The following ZDHHC14 variants were observed in gnomAD, a reference collection of about 807,000 sequenced individuals.
The protein encoded by ZDHHC14 is zDHHC palmitoyltransferase 14.
ZDHHC14 carries 16 observed loss-of-function variants against 47.7 expected under a neutral mutation model. The ratio of observed to expected loss-of-function variants is 0.34; its 90% CI spans 0.23 to 0.51. The LOEUF is 0.51. Among genes scored for constraint, ZDHHC14 ranks in the 20% least tolerant of loss-of-function variants. The pLI is 0.97. For missense variants in ZDHHC14, 515 were observed against 662.5 expected (o/e 0.78, Z 2.44); for synonymous variants, 293 against 278.9 (o/e 1.05, Z -0.50).
At chr6:157,523,149 A>G (rs752638923) in intron 1 of ZDHHC14, among the ~76,000 whole-genome samples, 7 of 151,696 alleles carry the variant, frequency 4.6e-5, no homozygotes, top group Non-Finnish European at 8.8e-5. Context: ...GGCATTAGTC[A>G]ATGTGAATCT....
In ZDHHC14 at chr6:157,632,827, C is replaced by A; in HGVS notation, c.704-7C>A. The A allele has an allele frequency of 6.2e-7, 1 of 1,614,096 alleles. No homozygotes were observed. ...CTGAATACTAAATGTTGGTTTCATT[C>A]CCACAGGTTCACAGCAAACAGGATT... On this transcript the variant is annotated splice_region_variant and splice_polypyrimidine_tract_variant and intron_variant, in intron 4 of 8. Transcript: ENST00000359775.
At chr6:157,648,609 A>G (rs1777672575) in intron 7 of ZDHHC14, among the ~76,000 whole-genome samples, 1 of 152,154 alleles carries the variant, frequency 6.6e-6, no homozygotes, top group Non-Finnish European at 1.5e-5. Flanking sequence ...AGGGGTCCTC[A>G]AGGCACCCCT....
chr6:157,435,981 G>A (rs1346207817), intron 1 of ZDHHC14, among the ~76,000 whole-genome samples: 1 of 152,204 alleles, frequency 6.6e-6, no homozygotes, highest in African/African-American at 2.4e-5. Flanking sequence ...CAGGCAGAGA[G>A]AGCAGCATGG....
intron 3 of ZDHHC14, among the ~76,000 whole-genome samples, chr6:157,608,048 C>T (rs1370357686): frequency 1.8e-4 from 28 of 152,326 alleles, no homozygotes. Flanking sequence ...CACTGCTTAT[C>T]ACTACTGATT....
intron 1 of ZDHHC14, among the ~76,000 whole-genome samples, chr6:157,405,132 T>G (rs1777715228): frequency 6.6e-6 from 1 of 152,202 alleles, no homozygotes; most frequent in African/African-American, 2.4e-5. Context: ...AGCTCAGGAA[T>G]ATTTTATGTT....
intron 1 of ZDHHC14, among the ~76,000 whole-genome samples, chr6:157,453,788 T>TTTTTTTGTGTGTGTGTGTGTG (rs3220439): frequency 5.4e-5 from 8 of 148,196 alleles, no homozygotes; most frequent in African/African-American, 1.8e-4. Context: ...TTTTTGTGTT[T>TTTTTTTGTGTGTGTGTGTGTG]TGTGTGTGTG....
intron 1 of ZDHHC14, among the ~76,000 whole-genome samples, chr6:157,530,312 G>A (rs918426335): frequency 9.9e-5 from 15 of 152,176 alleles, no homozygotes; most frequent in Non-Finnish European, 1.9e-4. Flanking sequence ...CCCAACATCA[G>A]GGCCGAGAAA....
chr6:157,568,166 A>G (rs1052699378), intron 2 of ZDHHC14, among the ~76,000 whole-genome samples: 1 of 152,210 alleles, frequency 6.6e-6, no homozygotes, highest in Admixed American at 6.5e-5. Flanking sequence ...AATTGTAGGG[A>G]ACCAATTTCT....
chr6:157,673,116 C>T lies in ZDHHC14; in HGVS notation c.1461C>T (p.Ser487=), dbSNP rs541368412. ...DSVRGLVKLS[S]V ...TGCGCGGCCTGGTGAAGCTCAGCTC[C>T]GTGTGACCCACATGGCCCCAGGCCG... Residue 487 remains serine (S), a synonymous_variant, in exon 9 of 9, where the codon TCC becomes TCT. Transcript: ENST00000359775. This position sits in a 1 kb window ranked among gnomAD's most constrained non-coding sequence, Gnocchi z 5.4. The T allele has an allele frequency of 4.8e-5, 75 of 1,571,666 alleles. No homozygotes were observed. Among genetic ancestry groups the T allele is most frequent in the South Asian group, 2.4e-4 (21 of 86,790 alleles).
intron 3 of ZDHHC14, among the ~76,000 whole-genome samples, chr6:157,618,548 C>T (rs928733463): frequency 6.6e-6 from 1 of 152,130 alleles, no homozygotes; most frequent in African/African-American, 2.4e-5. Flanking sequence ...TCTCGAACTC[C>T]TGACCTCAAA....
At chr6:157,500,026 TATG>T (rs201446696) in intron 1 of ZDHHC14, among the ~76,000 whole-genome samples, 1,696 of 152,288 alleles carry the variant, frequency 0.011, 36 homozygotes, top group African/African-American at 0.038. Context: ...ATCAGATTAT[TATG>T]ACTGATAGAA....
At chr6:157,616,022 C>T (rs1471625630) in intron 3 of ZDHHC14, among the ~76,000 whole-genome samples, 1 of 152,164 alleles carries the variant, frequency 6.6e-6, no homozygotes, top group Non-Finnish European at 1.5e-5. Context: ...ATTGGGGGTG[C>T]AGCCAGTGAC....
intron 8 of ZDHHC14, among the ~76,000 whole-genome samples, chr6:157,668,994 C>T (rs971967482): frequency 1.3e-5 from 2 of 152,148 alleles, no homozygotes; most frequent in Admixed American, 6.5e-5. Context: ...ATGCAGAGAA[C>T]GAGGCCTTGG....
chr6:157,546,091 C>A (rs1283219805), intron 2 of ZDHHC14, among the ~76,000 whole-genome samples: 1 of 152,208 alleles, frequency 6.6e-6, no homozygotes, highest in African/African-American at 2.4e-5. Flanking sequence ...AGAGCTGGTA[C>A]AATGTCTTTG....
intron 1 of ZDHHC14, among the ~76,000 whole-genome samples, chr6:157,432,398 T>TG (rs1436182186): frequency 6.6e-6 from 1 of 151,520 alleles, no homozygotes; most frequent in Non-Finnish European, 1.5e-5. Context: ...TGGGGGAGAG[T>TG]GGGGCAGAGC....
In ZDHHC14 at chr6:157,653,600, C is replaced by CG; in HGVS notation, c.1045dup (p.Ala349GlyfsTer7). The CG allele has an allele frequency of 6.2e-7, 1 of 1,613,756 alleles. No homozygotes were observed. Among genetic ancestry groups the CG allele is most frequent in the Non-Finnish European group, 8.5e-7 (1 of 1,179,940 alleles). On this transcript the variant is annotated frameshift_variant, in exon 8 of 9. Transcript: ENST00000359775. LOFTEE classifies it high-confidence loss of function. ...CACCCTCCAATGGCATCACCATGTA[C>CG]GGGGCCACGCAGTCACAGAGTGACA...
intron 2 of ZDHHC14, among the ~76,000 whole-genome samples, chr6:157,592,264 T>TTTG (rs1783936363): frequency 6.6e-6 from 1 of 152,200 alleles, no homozygotes; most frequent in Non-Finnish European, 1.5e-5. Flanking sequence ...GTTTGTATTG[T>TTTG]CATTGACATT....
At chr6:157,457,307 G>A (rs1192667724) in intron 1 of ZDHHC14, among the ~76,000 whole-genome samples, 1 of 152,104 alleles carries the variant, frequency 6.6e-6, no homozygotes, top group African/African-American at 2.4e-5. Context: ...CATTTGTTTG[G>A]CCACAGCAAA....
intron 3 of ZDHHC14, among the ~76,000 whole-genome samples, chr6:157,596,131 G>A (rs939848844): frequency 5.3e-5 from 8 of 152,290 alleles, no homozygotes; most frequent in African/African-American, 7.2e-5. Flanking sequence ...TCGGTTTTCC[G>A]GTTAATTATG....
Sources: gnomAD v4.1 joint callset for allele counts (sites outside exome capture counted in the v4.1 genomes callset) on GRCh38, gnomAD v4.1.1 for gene constraint, Gnocchi (gnomAD v3.1) non-coding constraint, MANE v1.5 for transcripts, NCBI Gene and HGNC (gene_info 2026-07-23, HGNC 2026-07-21) for gene names.